PLEKHM3: variants seen among roughly 807,000 people sequenced by gnomAD.
PLEKHM3 encodes the protein pleckstrin homology domain containing M3.
A neutral mutation model predicts 81.8 loss-of-function variants in PLEKHM3; 45 were observed. The ratio of observed to expected loss-of-function variants is 0.55; its 90% confidence interval spans 0.43 to 0.71. The LOEUF (loss-of-function observed/expected upper bound fraction) is 0.71, where lower values mean the gene tolerates loss of function less well. Ranked by LOEUF, PLEKHM3 falls within the 30% of genes least tolerant of loss-of-function variation. PLEKHM3 has a pLI of 0.00. For missense variants in PLEKHM3, 788 were observed against 924.3 expected (o/e 0.85, Z 1.91); for synonymous variants, 352 against 356.4 (o/e 0.99, Z 0.14).
chr2:208,006,102 T>C (rs1692485715), intron 1 of PLEKHM3, among the ~76,000 whole-genome samples: 1 of 152,240 alleles, frequency 6.6e-6, no homozygotes, highest in Non-Finnish European at 1.5e-5. Context: ...CACCGTGACC[T>C]TCTTACTTAT....
intron 3 of PLEKHM3, among the ~76,000 whole-genome samples, chr2:207,948,092 T>C (rs1295938105): frequency 6.6e-6 from 1 of 151,898 alleles, no homozygotes; most frequent in African/African-American, 2.4e-5. Context: ...AAAAAAAAAA[T>C]CATAACAAGC....
At chr2:207,961,247 G>T (rs1438741103) in intron 3 of PLEKHM3, among the ~76,000 whole-genome samples, 1 of 152,184 alleles carries the variant, frequency 6.6e-6, no homozygotes, top group Non-Finnish European at 1.5e-5. Flanking sequence ...GATGAAGATG[G>T]AGAAGGAGAC....
chr2:207,931,229 TACAG>T (rs572132690), intron 4 of PLEKHM3, 110 bp from the exon 5 acceptor site: 83 of 1,045,170 alleles, frequency 7.9e-5, no homozygotes, highest in Non-Finnish European at 1.1e-4. Context: ...ATTTTCTCAA[TACAG>T]ACAAATGAAA....
At chr2:207,996,854 T>C (rs1012042538) in intron 2 of PLEKHM3, among the ~76,000 whole-genome samples, 3 of 152,192 alleles carry the variant, frequency 2.0e-5, no homozygotes, top group African/African-American at 4.8e-5. Context: ...ATTCAATTCA[T>C]AATAATAACA....
chr2:207,964,622 C>T (rs1257115066), intron 3 of PLEKHM3, among the ~76,000 whole-genome samples: 1 of 152,094 alleles, frequency 6.6e-6, no homozygotes, highest in Admixed American at 6.5e-5. Context: ...ATTTTTCACA[C>T]CCAGAAGTCT....
chr2:208,020,085 A>C (rs1056446454), intron 1 of PLEKHM3, among the ~76,000 whole-genome samples: 5 of 152,226 alleles, frequency 3.3e-5, no homozygotes, highest in Non-Finnish European at 7.3e-5. Flanking sequence ...AAAAATCAAC[A>C]TTTATATAAT....
At chr2:207,939,947 G>A (rs1297886034) in intron 4 of PLEKHM3, among the ~76,000 whole-genome samples, 1 of 152,196 alleles carries the variant, frequency 6.6e-6, no homozygotes, top group Non-Finnish European at 1.5e-5. Flanking sequence ...AGTCCAGGAT[G>A]TCTCCCATAT....
chr2:207,951,409 AG>A (rs1382066795), intron 3 of PLEKHM3, among the ~76,000 whole-genome samples: 2 of 152,240 alleles, frequency 1.3e-5, no homozygotes, highest in African/African-American at 4.8e-5. Context: ...TTTGTAGTAA[AG>A]AACACTCCAC....
chr2:208,022,745 A>G (rs772559590), intron 1 of PLEKHM3, among the ~76,000 whole-genome samples: 3 of 152,304 alleles, frequency 2.0e-5, no homozygotes, highest in Admixed American at 6.5e-5. Flanking sequence ...GGCTCCTGTG[A>G]TTAGATTAGA....
At position 207,925,653 on chromosome 2, in the gene PLEKHM3, T is replaced by C. The variant is rs147924338; in HGVS notation, c.1886+5273A>G. Among the ~76,000 whole-genome samples the C allele has an allele frequency of 2.1e-3, 313 of 152,266 alleles. 1 individual carries two copies. Among genetic ancestry groups the C allele is most frequent in the Middle Eastern group, 0.017 (5 of 294 alleles). ...ACCACCTCCATTTGTGTCCTCACTTTTTTCTTTTTTCTCAGTTTGCCCCAC... is the reference window on the plus strand; with the variant it reads ...ACCACCTCCATTTGTGTCCTCACTTCTTTCTTTTTTCTCAGTTTGCCCCAC... On this transcript the variant is annotated intron_variant, in intron 5 of 7. Transcript: ENST00000427836.
intron 7 of PLEKHM3, among the ~76,000 whole-genome samples, chr2:207,844,303 CTTTT>C (rs377510756): frequency 1.6e-5 from 2 of 125,056 alleles, no homozygotes; most frequent in Non-Finnish European, 3.4e-5. Context: ...ATTTATTTTT[CTTTT>C]TTTTTTTTTT....
chr2:208,019,371 C>G (rs1396844238), intron 1 of PLEKHM3, among the ~76,000 whole-genome samples: 3 of 152,062 alleles, frequency 2.0e-5, no homozygotes, highest in Admixed American at 6.6e-5. Context: ...CTGCCTGGAA[C>G]ACTGTTTTCC....
chr2:207,970,961 G>C (rs1691099940), intron 3 of PLEKHM3, among the ~76,000 whole-genome samples: 1 of 152,226 alleles, frequency 6.6e-6, no homozygotes, highest in Admixed American at 6.5e-5. Context: ...CATAAAATCT[G>C]ACACAGTGAA....
intron 5 of PLEKHM3, among the ~76,000 whole-genome samples, chr2:207,921,633 GT>G (rs1161790143): frequency 1.3e-5 from 2 of 152,052 alleles, no homozygotes; most frequent in Non-Finnish European, 2.9e-5. Context: ...ATTTGTATTT[GT>G]TAACCCAACC....
intron 7 of PLEKHM3, among the ~76,000 whole-genome samples, chr2:207,833,676 C>T (rs76167284): frequency 0.031 from 4,749 of 152,288 alleles, 243 homozygotes; most frequent in African/African-American, 0.11. Context: ...ATGTCACCCC[C>T]TCCTCCCAGT....
At chr2:207,893,247 A>T (rs1298392903) in intron 6 of PLEKHM3, among the ~76,000 whole-genome samples, 2 of 152,244 alleles carry the variant, frequency 1.3e-5, no homozygotes. Context: ...GCCAAAATGT[A>T]CCATTGTGCT....
At chr2:208,016,695 A>ACACACACACACACACC (rs1559285588) in intron 1 of PLEKHM3, among the ~76,000 whole-genome samples, 7 of 147,812 alleles carry the variant, frequency 4.7e-5, no homozygotes, top group Admixed American at 6.8e-5. Context: ...ACACACACAC[A>ACACACACACACACACC]CCCTGGTTTC....
intron 3 of PLEKHM3, among the ~76,000 whole-genome samples, chr2:207,948,260 C>T (rs1690202171): frequency 6.6e-6 from 1 of 151,666 alleles, no homozygotes; most frequent in East Asian, 1.9e-4. Context: ...GACTGCATTA[C>T]TCATTTGGCA....
At chr2:207,895,431 C>T (rs1169618539) in intron 6 of PLEKHM3, among the ~76,000 whole-genome samples, 3 of 152,166 alleles carry the variant, frequency 2.0e-5, no homozygotes, top group Non-Finnish European at 2.9e-5. Flanking sequence ...AACTCAAATC[C>T]GTAGTTTTAT....
Sources: gnomAD v4.1 joint callset for allele counts (sites outside exome capture counted in the v4.1 genomes callset) on GRCh38, gnomAD v4.1.1 for gene constraint, MANE v1.5 for transcripts, NCBI Gene and HGNC (gene_info 2026-07-23, HGNC 2026-07-21) for gene names.